Variants in VTI1B observed in about 807,000 individuals in gnomAD.
VTI1B encodes the protein vesicle transport through interaction with t-SNAREs 1B.
VTI1B carries 18 observed loss-of-function variants against 28.6 expected under a neutral mutation model. That is an observed-to-expected ratio of 0.63 (90% confidence interval 0.43 to 0.93). VTI1B has a LOEUF of 0.93. VTI1B is among the 40% of genes least tolerant of loss of function. The probability of loss-of-function intolerance (pLI) is 0.00; values close to 1 mark genes in which losing one functional copy is unlikely to be tolerated. For synonymous variants in VTI1B, 100 were observed against 107.9 expected (o/e 0.93, Z 0.46); for missense variants, 283 against 297.0 (o/e 0.95, Z 0.35).
Position 67,650,556 on chromosome 14 carries a change from AGAG to A in VTI1B, c.*826_*828del, listed in dbSNP as rs34922083. The stretch of plus-strand genomic sequence containing the variant: ...GTGTTTTAACTTAAATTCATGGCCA[AGAG>A]GATGAGGTGCAAGGGGCTTCCTAAA... On this transcript the variant is annotated 3_prime_UTR_variant, in exon 6 of 6. Coordinates refer to ENST00000554659, the MANE Select transcript of VTI1B (RefSeq NM_006370.3). 0.074 allele frequency: 46,795 copies of A among 633,268 alleles called. 2,884 individuals are homozygous for A. The highest frequency in any genetic ancestry group is 0.23 in the East Asian group (8,332 of 36,620). The allele number at this position is 633,268 out of a possible 1,614,324, so 39.2% of individuals were successfully genotyped here.
intron 1 of VTI1B, among the ~76,000 whole-genome samples, chr14:67,663,402 G>A (rs540905936): frequency 2.6e-5 from 4 of 152,126 alleles, no homozygotes; most frequent in South Asian, 4.1e-4. Context: ...GGCTGGGCAC[G>A]GTGACTCACG....
At chr14:67,668,419 G>T (rs537929177) in intron 1 of VTI1B, among the ~76,000 whole-genome samples, 1 of 152,210 alleles carries the variant, frequency 6.6e-6, no homozygotes, top group African/African-American at 2.4e-5. Context: ...ATTGTCTCTA[G>T]TATCATTCAA....
Position 67,650,990 on chromosome 14 carries a change from A to G in VTI1B, c.*395T>C. On this transcript the variant is annotated 3_prime_UTR_variant, in exon 6 of 6. Coordinates refer to ENST00000554659, the MANE Select transcript of VTI1B (RefSeq NM_006370.3). Reference sequence around the variant, plus strand: ...TATGAGGCATTGAGGGGATAGATGAATACTAAATGGTTGTCTGGGTCAATA... The same window carrying G: ...TATGAGGCATTGAGGGGATAGATGAGTACTAAATGGTTGTCTGGGTCAATA... The G allele has an allele frequency of 6.9e-7, 1 of 1,450,398 alleles. No individual in the cohort carries two copies. Among genetic ancestry groups the G allele is most frequent in the South Asian group, 1.2e-5 (1 of 85,228 alleles). 89.8% of individuals were successfully genotyped at this position (1,450,398 alleles called of 1,614,324 possible). A position where few individuals can be genotyped will look rare whatever the true frequency, so the allele number is the denominator to read the frequency against.
At position 67,665,956 on chromosome 14, in the gene VTI1B, GA is replaced by G. The variant is rs542015955; in HGVS notation, c.116-3422del. ...CACCAAGGCAGCTATTACTGTTCCT[GA>G]GGGGGATGTGTTCTTAGCTACCAGT... On this transcript the variant is annotated intron_variant, in intron 1 of 5. Transcript: ENST00000554659. Among the ~76,000 whole-genome samples, 148 of 152,328 alleles carry G rather than the reference GA, an allele frequency of 9.7e-4. 1 individual carries two copies. The highest frequency in any genetic ancestry group is 3.4e-3 in the African/African-American group (141 of 41,586).
rs548163978 is a variant in VTI1B, at chr14:67,667,541, T to A, written c.116-5006A>T. Among the ~76,000 whole-genome samples the A allele has an allele frequency of 1.4e-4, 22 of 152,316 alleles. No homozygotes were observed. In the Middle Eastern group the frequency reaches 0.017, roughly 118 times the overall value. On this transcript the variant is annotated intron_variant, in intron 1 of 5. Coordinates refer to ENST00000554659, the MANE Select transcript of VTI1B (RefSeq NM_006370.3). ...AAGAAATAATACACATAACATTCAC[T>A]TAGCAAGTGCCAAATATAATAAGGG... is the stretch of plus-strand genomic sequence containing the variant.
At chr14:67,651,642 C>T in intron 5 of VTI1B, 161 bp from the exon 6 acceptor site, 1 of 680,744 alleles carries the variant, frequency 1.5e-6, no homozygotes, top group South Asian at 2.1e-5. Flanking sequence ...TTAGCTGTCA[C>T]TTAGGGATAA....
At chr14:67,674,349 C>T in intron 1 of VTI1B, 26 bp downstream of exon 1, 2 of 1,563,764 alleles carry the variant, frequency 1.3e-6, no homozygotes, top group Non-Finnish European at 1.7e-6. Flanking sequence ...CTGCGCTCCC[C>T]ACGGCGTGGC....
At chr14:67,661,077 T>C (rs1474915844) in intron 2 of VTI1B, among the ~76,000 whole-genome samples, 3 of 152,182 alleles carry the variant, frequency 2.0e-5, no homozygotes, top group East Asian at 3.9e-4. Context: ...ATTGAAACAC[T>C]GATCTTCAAC....
chr14:67,674,068 T>A (rs1352676381), intron 1 of VTI1B, among the ~76,000 whole-genome samples: 1 of 152,118 alleles, frequency 6.6e-6, no homozygotes, highest in Non-Finnish European at 1.5e-5. Flanking sequence ...AAAACAGCTA[T>A]GAAAGAAACC....
intron 1 of VTI1B, among the ~76,000 whole-genome samples, chr14:67,667,400 C>T (rs969001738): frequency 1.3e-5 from 2 of 152,118 alleles, no homozygotes; most frequent in Non-Finnish European, 2.9e-5. Context: ...CTGACTAGAT[C>T]CCACACCATA....
intron 3 of VTI1B, among the ~76,000 whole-genome samples, chr14:67,657,606 A>G (rs974323261): frequency 6.6e-6 from 1 of 150,516 alleles, no homozygotes; most frequent in Non-Finnish European, 1.5e-5. Context: ...GTGCACACAC[A>G]CACACACACA....
intron 1 of VTI1B, among the ~76,000 whole-genome samples, chr14:67,667,965 C>A (rs2037422433): frequency 1.3e-5 from 2 of 151,434 alleles, no homozygotes; most frequent in Non-Finnish European, 2.9e-5. Flanking sequence ...AACAAACAAA[C>A]AAAAAAAATG....
At chr14:67,652,153 C>T (rs917455784) in intron 5 of VTI1B, 1 of 152,246 alleles carries the variant, frequency 6.6e-6, no homozygotes, top group African/African-American at 2.4e-5. Context: ...CTCTTACCCC[C>T]AACTTCAACC....
In VTI1B at chr14:67,674,388, C is replaced by T. The variant is rs2234510; in HGVS notation, c.102G>A (p.Gly34=). 8,062 of 1,600,244 alleles carry T rather than the reference C, an allele frequency of 5.0e-3. 389 individuals are homozygous for T. In the African/African-American group the frequency reaches 0.097, roughly 19 times the overall value. ...CCCCCGCCTCACCGGTCCCCGCCGT[C>T]CCCAGCAGCCGCTCGGGCACCCCTT... is the stretch of plus-strand genomic sequence containing the variant. ...DLQGVPERLL[G]TAGTEEKKKL... is the part of the protein sequence containing the mutation. Residue 34 remains glycine (G), a synonymous_variant, in exon 1 of 6, where the codon GGG becomes GGA. Coordinates refer to ENST00000554659, the MANE Select transcript of VTI1B (RefSeq NM_006370.3).
chr14:67,657,901 A>T (rs994475694), intron 3 of VTI1B, among the ~76,000 whole-genome samples: 6 of 152,052 alleles, frequency 3.9e-5, no homozygotes, highest in Non-Finnish European at 5.9e-5. Flanking sequence ...GGCACCCGCC[A>T]CCACGCCCAG....
chr14:67,651,193 C>CTGGTCTT lies in VTI1B; in HGVS notation c.*185_*191dup, dbSNP rs1347637960. On this transcript the variant is annotated 3_prime_UTR_variant, in exon 6 of 6. Transcript: ENST00000554659. ...GCATTTATTACCTTGGTATATCATA[C>CTGGTCTT]TGGTCTTGTTGCTGTTGTTCCTTCA... is the stretch of plus-strand genomic sequence containing the variant. 3 of 1,124,556 alleles carry CTGGTCTT rather than the reference C, an allele frequency of 2.7e-6. No individual in the cohort carries two copies. The highest frequency in any genetic ancestry group is 3.7e-6 in the Non-Finnish European group (3 of 811,762). The allele number at this position is 1,124,556 out of a possible 1,614,324, so 69.7% of individuals were successfully genotyped here.
At position 67,674,606 on chromosome 14, in the gene VTI1B, C is replaced by G; in HGVS notation, c.-117G>C. The G allele has an allele frequency of 7.7e-6, 6 of 779,744 alleles. No individual in the cohort carries two copies. The highest frequency in any genetic ancestry group is 1.1e-5 in the Non-Finnish European group (6 of 534,822). The allele number at this position is 779,744 out of a possible 1,614,324, so 48.3% of individuals were successfully genotyped here. On this transcript the variant is annotated 5_prime_UTR_variant, in exon 1 of 6. Transcript: ENST00000554659. Reference sequence around the variant, plus strand: ...AACGGCGACCGCCGCACCACCGCCGCCCAGGACGAGGCTCTTCCGGAGCCG... The same window carrying G: ...AACGGCGACCGCCGCACCACCGCCGGCCAGGACGAGGCTCTTCCGGAGCCG...
chr14:67,648,722 G>A lies in VTI1B; in HGVS notation c.*2663C>T, dbSNP rs575447038. The A allele has an allele frequency of 2.6e-5, 4 of 152,350 alleles. No homozygotes were observed. Among genetic ancestry groups the A allele is most frequent in the African/African-American group, 9.6e-5 (4 of 41,582 alleles). The allele number at this position is 152,350 out of a possible 1,614,324, so 9.4% of individuals were successfully genotyped here. On this transcript the variant is annotated 3_prime_UTR_variant, in exon 6 of 6. Coordinates refer to ENST00000554659, the MANE Select transcript of VTI1B (RefSeq NM_006370.3). ...TGGCTGATGGAAAGAGTACTAAGATGAATTCTACGTTATCAAGACTGGCTA... is the reference window on the plus strand; with the variant it reads ...TGGCTGATGGAAAGAGTACTAAGATAAATTCTACGTTATCAAGACTGGCTA...
intron 3 of VTI1B, among the ~76,000 whole-genome samples, chr14:67,658,419 C>A (rs1344900663): frequency 6.6e-6 from 1 of 151,884 alleles, no homozygotes; most frequent in Non-Finnish European, 1.5e-5. Context: ...ACGGTGAAAC[C>A]CCGTCTCTAC....
Sources: allele counts gnomAD v4.1 joint callset (sites outside exome capture counted in the v4.1 genomes callset), GRCh38; gene constraint gnomAD v4.1.1; transcripts MANE v1.5; gene names NCBI Gene and HGNC (gene_info 2026-07-23, HGNC 2026-07-21).